The following SDK2 variants were observed in gnomAD, a reference collection of about 807,000 sequenced individuals.
SDK2 encodes protein sidekick-2.
In SDK2, 105 loss-of-function variants were observed where a neutral mutation model predicts 253.9. The observed-to-expected ratio is 0.41, with a 90% CI of 0.35 to 0.49. The LOEUF is 0.49. Among genes scored for constraint, SDK2 ranks in the 20% least tolerant of loss-of-function variants. The pLI, the probability that SDK2 is intolerant of heterozygous loss-of-function variation, is 0.06. For missense variants in SDK2, 2,608 were observed against 3,003.0 expected (o/e 0.87, Z 3.07); for synonymous variants, 1,249 against 1,234.9 (o/e 1.01, Z -0.24).
At chr17:73,508,848 G>T (rs1446876945) in intron 1 of SDK2, among the ~76,000 whole-genome samples, 3 of 152,218 alleles carry the variant, frequency 2.0e-5, no homozygotes, top group African/African-American at 7.2e-5. Flanking sequence ...AGAACCTGCA[G>T]ATGCCCAGAG....
intron 24 of SDK2, among the ~76,000 whole-genome samples, chr17:73,396,085 G>A (rs1301241958): frequency 1.3e-5 from 2 of 152,016 alleles, no homozygotes; most frequent in African/African-American, 2.4e-5. Flanking sequence ...ACGAGGTTTC[G>A]CCATGTTGAT....
intron 2 of SDK2, among the ~76,000 whole-genome samples, chr17:73,505,056 A>T (rs2063924578): frequency 6.6e-6 from 1 of 152,206 alleles, no homozygotes; most frequent in Admixed American, 6.5e-5. Context: ...GTGCGCGCTC[A>T]TCTATTTCCC....
At chr17:73,438,214 C>T (rs2063386035) in intron 6 of SDK2, 60 bp from the exon 7 acceptor site, 1 of 1,470,406 alleles carries the variant, frequency 6.8e-7, no homozygotes, top group Non-Finnish European at 9.2e-7. Context: ...GCCTGAGAGG[C>T]AGGGCAGGGG....
intron 3 of SDK2, 30 bp downstream of exon 3, chr17:73,472,082 C>A: frequency 1.3e-6 from 2 of 1,501,650 alleles, no homozygotes; most frequent in Non-Finnish European, 1.8e-6. Context: ...ACAGTCGCCC[C>A]CCCTGCCCCT....
intron 1 of SDK2, among the ~76,000 whole-genome samples, chr17:73,583,514 C>G (rs1299174802): frequency 6.6e-6 from 1 of 152,204 alleles, no homozygotes; most frequent in Non-Finnish European, 1.5e-5. Context: ...GGAGGGCTCT[C>G]AACAACCGCC....
At chr17:73,489,868 AC>A (rs1453205248) in intron 2 of SDK2, among the ~76,000 whole-genome samples, 4 of 152,326 alleles carry the variant, frequency 2.6e-5, no homozygotes, top group East Asian at 3.9e-4. Context: ...AATTTGGCCA[AC>A]AAAAAAGTGA....
chr17:73,509,501 C>G (rs1363913956), intron 1 of SDK2, among the ~76,000 whole-genome samples: 1 of 151,680 alleles, frequency 6.6e-6, no homozygotes, highest in Non-Finnish European at 1.5e-5. Flanking sequence ...AGAAATGGAA[C>G]AAACCAGGCT....
intron 1 of SDK2, among the ~76,000 whole-genome samples, chr17:73,625,164 G>T (rs1248257784): frequency 6.6e-6 from 1 of 152,178 alleles, no homozygotes; most frequent in Non-Finnish European, 1.5e-5. Context: ...GAGACAGGGA[G>T]ACAGAGGCAG....
At chr17:73,552,267 T>G (rs2045073043) in intron 1 of SDK2, among the ~76,000 whole-genome samples, 1 of 152,380 alleles carries the variant, frequency 6.6e-6, no homozygotes, top group South Asian at 2.1e-4. Context: ...ACCACTGCAT[T>G]TAATTTAACG....
intron 1 of SDK2, among the ~76,000 whole-genome samples, chr17:73,581,270 A>C (rs1048943014): frequency 3.9e-5 from 6 of 152,272 alleles, no homozygotes; most frequent in African/African-American, 1.4e-4. Context: ...AGACTCCCCA[A>C]GTTCACTTTA....
In SDK2 at chr17:73,447,838, G is replaced by A. The variant is rs1322477807; in HGVS notation, c.480-90C>T. On this transcript the variant is annotated intron_variant, in intron 4 of 44. Coordinates refer to ENST00000392650, the MANE Select transcript of SDK2 (RefSeq NM_001144952.2). The surrounding 1 kb of genome is among the most constrained non-coding windows in gnomAD (Gnocchi z 4.0). ...AGTGGAAACCCTAAGGGGGAAGCCC[G>A]ACCATATCTCCCAGTCCCCAGCCTC... 3 of 1,461,110 alleles carry A rather than the reference G, an allele frequency of 2.1e-6. No homozygotes were observed. Among genetic ancestry groups the A allele is most frequent in the East Asian group, 5.0e-5 (2 of 40,162 alleles). 90.5% of individuals were successfully genotyped at this position (1,461,110 alleles called of 1,614,324 possible). A position where few individuals can be genotyped will look rare whatever the true frequency, so the allele number is the denominator to read the frequency against.
At chr17:73,574,707 T>C (rs190012443) in intron 1 of SDK2, among the ~76,000 whole-genome samples, 1 of 152,306 alleles carries the variant, frequency 6.6e-6, no homozygotes, top group Non-Finnish European at 1.5e-5. Flanking sequence ...TCCTAAACAT[T>C]TAATGCCATA....
chr17:73,395,059 A>G lies in SDK2; in HGVS notation c.3592+96T>C. 1 of 936,604 alleles carries G rather than the reference A, an allele frequency of 1.1e-6. No individual in the cohort carries two copies. Among genetic ancestry groups the G allele is most frequent in the South Asian group, 1.6e-5 (1 of 61,634 alleles). The allele number at this position is 936,604 out of a possible 1,614,324, so 58.0% of individuals were successfully genotyped here. A position where few individuals can be genotyped will look rare whatever the true frequency, so the allele number is the denominator to read the frequency against. On this transcript the variant is annotated intron_variant, in intron 25 of 44. Transcript: ENST00000392650. This position sits in a 1 kb window ranked among gnomAD's most constrained non-coding sequence, Gnocchi z 4.3. ...AAATGAGCTCAGGCTGTTTTTGAAC[A>G]ACACCTTCAGCCTGGCACGCGCTTG...
intron 36 of SDK2, among the ~76,000 whole-genome samples, chr17:73,372,727 T>C (rs778882126): frequency 2.0e-5 from 3 of 151,450 alleles, no homozygotes; most frequent in Non-Finnish European, 4.4e-5. Context: ...GGTGACAGAG[T>C]GAGACTCTGT....
At chr17:73,398,468 G>A in intron 22 of SDK2, 39 bp from the exon 23 acceptor site, 1 of 1,550,766 alleles carries the variant, frequency 6.4e-7, no homozygotes, top group Non-Finnish European at 8.9e-7. Flanking sequence ...CCAGCCTACA[G>A]GGCCCACACG....
intron 1 of SDK2, among the ~76,000 whole-genome samples, chr17:73,553,209 C>T (rs1163927184): frequency 7.2e-6 from 1 of 139,280 alleles, no homozygotes; most frequent in African/African-American, 2.9e-5. Flanking sequence ...CCATCAGAGG[C>T]AAGAGGCAGA....
chr17:73,425,705 C>T (rs1399158211), intron 12 of SDK2, among the ~76,000 whole-genome samples: 2 of 152,062 alleles, frequency 1.3e-5, no homozygotes, highest in African/African-American at 4.8e-5. Context: ...TGGGGTTTCA[C>T]CATGTTGGTC....
chr17:73,457,758 T>C (rs116230150), intron 3 of SDK2, among the ~76,000 whole-genome samples: 4,436 of 152,134 alleles, frequency 0.029, 234 homozygotes, highest in African/African-American at 0.1. Flanking sequence ...CCCCATTGCC[T>C]AGCAGATCCC....
At chr17:73,480,634 GAC>G (rs1278937748) in intron 2 of SDK2, among the ~76,000 whole-genome samples, 4 of 152,156 alleles carry the variant, frequency 2.6e-5, no homozygotes, top group African/African-American at 9.7e-5. Flanking sequence ...GAAAATGAGA[GAC>G]AGAGACAGAG....
Sources: allele counts gnomAD v4.1 joint callset (sites outside exome capture counted in the v4.1 genomes callset), GRCh38; gene constraint gnomAD v4.1.1; non-coding constraint Gnocchi (gnomAD v3.1); transcripts MANE v1.5; gene names NCBI Gene and HGNC (gene_info 2026-07-23, HGNC 2026-07-21).